The following ZFX variants were observed in gnomAD, a reference collection of about 807,000 sequenced individuals.
ZFX encodes the protein zinc finger protein X-linked.
For missense variants in ZFX, 362 were observed against 628.3 expected (o/e 0.58, Z 4.53); for synonymous variants, 196 against 226.8 (o/e 0.86, Z 1.22).
rs200551202 is a variant in ZFX, at chrX:24,185,966, CT to C, written c.646+6197del. ...AAAAACAACCCCTCCCAAAACCCCC[CT>C]AAAACACCTATATTGATTTCAGAAG... On this transcript the variant is annotated intron_variant, in intron 5 of 9. Coordinates refer to ENST00000304543, the MANE Select transcript of ZFX (RefSeq NM_003410.4). Among the ~76,000 whole-genome samples the C allele has an allele frequency of 0.042, 4,602 of 109,478 alleles. 351 individuals carry two copies. The East Asian group carries it at 0.48, about 11-fold the overall frequency.
intron 6 of ZFX, 84 bp downstream of exon 6, chrX:24,207,559 T>G (rs1048350993): frequency 1.8e-6 from 2 of 1,139,566 alleles, no homozygotes; most frequent in Non-Finnish European, 2.3e-6. Flanking sequence ...TTGAGAACAT[T>G]TGGAGTCTCT....
intron 5 of ZFX, among the ~76,000 whole-genome samples, chrX:24,190,781 T>G (rs750552364): frequency 5.3e-5 from 6 of 112,601 alleles, no homozygotes; most frequent in Non-Finnish European, 1.1e-4. Context: ...AGCTTGCAGC[T>G]GAGTCAGGCA....
In ZFX at chrX:24,212,516, A is replaced by C. The variant is rs1439922465; in HGVS notation, c.*1140A>C. On this transcript the variant is annotated 3_prime_UTR_variant, in exon 10 of 10. Transcript: ENST00000304543. ...TGGTAATTGAAACATAGAGGTTAAGATGTTTCTAGGTAGAATGTTTTCATA... is the reference window on the plus strand; with the variant it reads ...TGGTAATTGAAACATAGAGGTTAAGCTGTTTCTAGGTAGAATGTTTTCATA... 1.8e-5 allele frequency: 2 copies of C among 112,168 alleles called. No homozygotes were observed. The highest frequency in any genetic ancestry group is 2.8e-4 in the East Asian group (1 of 3,580). 9.2% of individuals were successfully genotyped at this position (112,168 alleles called of 1,213,427 possible). A position where few individuals can be genotyped will look rare whatever the true frequency, so the allele number is the denominator to read the frequency against.
intron 4 of ZFX, among the ~76,000 whole-genome samples, chrX:24,178,281 CTT>C (rs1935340134): frequency 9.8e-6 from 1 of 101,903 alleles, no homozygotes; most frequent in Non-Finnish European, 2.0e-5. Flanking sequence ...GTATGGTTTT[CTT>C]TTCTTTTCTT....
At chrX:24,188,729 A>G (rs1330734582) in intron 5 of ZFX, among the ~76,000 whole-genome samples, 1 of 112,369 alleles carries the variant, frequency 8.9e-6, no homozygotes, top group African/African-American at 3.2e-5. Flanking sequence ...GATAATGGCA[A>G]TGTTCAGGGC....
At chrX:24,183,675 A>G (rs1386305706) in intron 5 of ZFX, among the ~76,000 whole-genome samples, 1 of 111,069 alleles carries the variant, frequency 9.0e-6, no homozygotes, top group African/African-American at 3.3e-5. Flanking sequence ...GTTTTAAAAA[A>G]TTGTATAAAA....
rs1271878448 is a variant in ZFX at position 24,213,932 on chromosome X, TAAA to T, written c.*2557_*2559del. On this transcript the variant is annotated 3_prime_UTR_variant, in exon 10 of 10. Transcript: ENST00000304543. ...ATATTTTTTTAAATAAACTGAAAGA[TAAA>T]GAACACAACACTTCACACATTTTAT... 1 of 111,091 alleles carries T rather than the reference TAAA, an allele frequency of 9.0e-6. No homozygotes were observed. The highest frequency in any genetic ancestry group is 1.9e-5 in the Non-Finnish European group (1 of 52,942). 9.2% of individuals were successfully genotyped at this position (111,091 alleles called of 1,213,427 possible).
chrX:24,192,655 C>A (rs2147856515), intron 5 of ZFX, among the ~76,000 whole-genome samples: 1 of 111,371 alleles, frequency 9.0e-6, no homozygotes, highest in South Asian at 3.8e-4. Flanking sequence ...ACCTGTAATC[C>A]CAGCATTTTT....
chrX:24,198,836 C>CTGAT (rs1408073158), intron 5 of ZFX, among the ~76,000 whole-genome samples: 3 of 111,352 alleles, frequency 2.7e-5, no homozygotes, highest in Admixed American at 1.9e-4. Context: ...TTTGAGACAT[C>CTGAT]TGATAGACAC....
intron 3 of ZFX, among the ~76,000 whole-genome samples, chrX:24,171,904 AGGAGAGAGAGAGAG>A (rs1384640004): frequency 2.1e-3 from 201 of 97,320 alleles, no homozygotes; most frequent in Middle Eastern, 0.01. Flanking sequence ...CAGAGAGAGA[AGGAGAGAGAGAGAG>A]AGAGAGAGAG....
chrX:24,208,046 A>G lies in ZFX; in HGVS notation c.941-172A>G, dbSNP rs573927927. Among the ~76,000 whole-genome samples, 6 of 113,068 alleles carry G rather than the reference A, an allele frequency of 5.3e-5. No individual in the cohort carries two copies. The South Asian group carries it at 2.1e-3, about 40-fold the overall frequency. On this transcript the variant is annotated intron_variant, in intron 7 of 9. Coordinates refer to ENST00000304543, the MANE Select transcript of ZFX (RefSeq NM_003410.4). ...AGTTATGGTGAAAGCCAAGAAGTAAATGATTCATTCAACAAATATGTATTG... is the reference window on the plus strand; with the variant it reads ...AGTTATGGTGAAAGCCAAGAAGTAAGTGATTCATTCAACAAATATGTATTG...
intron 5 of ZFX, among the ~76,000 whole-genome samples, chrX:24,183,710 G>A (rs2147738047): frequency 9.1e-6 from 1 of 109,736 alleles, no homozygotes; most frequent in East Asian, 2.8e-4. Context: ...TGTGTATAAG[G>A]TGTATATGAA....
chrX:24,169,978 G>A (rs755176275), intron 3 of ZFX, among the ~76,000 whole-genome samples: 5 of 110,553 alleles, frequency 4.5e-5, no homozygotes, highest in Non-Finnish European at 7.6e-5. Flanking sequence ...TAATAGAAAT[G>A]CCAAGGAGGA....
intron 5 of ZFX, among the ~76,000 whole-genome samples, chrX:24,184,446 C>T (rs1039062967): frequency 9.0e-6 from 1 of 110,997 alleles, no homozygotes; most frequent in Non-Finnish European, 1.9e-5. Flanking sequence ...TATCTCTTGC[C>T]TTTACTTTCT....
chrX:24,162,946 CGTG>C (rs1456013853), intron 3 of ZFX, among the ~76,000 whole-genome samples: 1 of 111,432 alleles, frequency 9.0e-6, no homozygotes, highest in African/African-American at 3.3e-5. Flanking sequence ...AATCCTATAA[CGTG>C]GTCTTTCGTG....
At chrX:24,203,437 G>C (rs1034571517) in intron 5 of ZFX, among the ~76,000 whole-genome samples, 5 of 112,476 alleles carry the variant, frequency 4.4e-5, no homozygotes, top group African/African-American at 1.6e-4. Context: ...CCTCTCATCA[G>C]AGTCCCAGAG....
chrX:24,182,947 C>T (rs1010325119), intron 5 of ZFX, among the ~76,000 whole-genome samples: 182 of 111,313 alleles, frequency 1.6e-3, no homozygotes, highest in African/African-American at 5.7e-3. Context: ...AAGGATGAGG[C>T]CCCTTTCCAG....
intron 4 of ZFX, among the ~76,000 whole-genome samples, chrX:24,178,327 C>T (rs775007420): frequency 3.2e-4 from 32 of 98,757 alleles, no homozygotes; most frequent in South Asian, 9.8e-4. Context: ...CTCACTCTGT[C>T]GCCCAGGCTG....
intron 3 of ZFX, among the ~76,000 whole-genome samples, chrX:24,157,764 C>T (rs1459870546): frequency 9.0e-6 from 1 of 111,503 alleles, no homozygotes; most frequent in Non-Finnish European, 1.9e-5. Context: ...GTAGGAATAC[C>T]TTACCAATTT....
Sources: gnomAD v4.1 joint callset for allele counts (sites outside exome capture counted in the v4.1 genomes callset) on GRCh38, gnomAD v4.1.1 for gene constraint, MANE v1.5 for transcripts, NCBI Gene and HGNC (gene_info 2026-07-23, HGNC 2026-07-21) for gene names.